The following CEP97 variants were observed in gnomAD, a reference collection of about 807,000 sequenced individuals.
CEP97 encodes centrosomal protein 97.
Under a neutral mutation model 73.1 loss-of-function variants are expected in CEP97, and 43 were observed. The ratio of observed to expected loss-of-function variants is 0.59; its 90% CI spans 0.46 to 0.76. The LOEUF (loss-of-function observed/expected upper bound fraction) is 0.76, where lower values mean the gene tolerates loss of function less well. CEP97 is among the 30% of genes least tolerant of loss of function. CEP97 has a pLI of 0.00. For synonymous variants in CEP97, 337 were observed against 370.0 expected (o/e 0.91, Z 1.02); for missense variants, 939 against 1,014.0 (o/e 0.93, Z 1.00).
At chr3:101,728,454 G>T (rs1239776481) in intron 3 of CEP97, among the ~76,000 whole-genome samples, 1 of 151,994 alleles carries the variant, frequency 6.6e-6, no homozygotes, top group Non-Finnish European at 1.5e-5. Context: ...AGTAGAGACA[G>T]GGTTTCGCCA....
intron 6 of CEP97, among the ~76,000 whole-genome samples, chr3:101,746,097 A>G (rs1185539639): frequency 6.6e-6 from 1 of 152,204 alleles, no homozygotes; most frequent in Non-Finnish European, 1.5e-5. Context: ...ATTATTTTTT[A>G]TGGCTGCATA....
intron 6 of CEP97, among the ~76,000 whole-genome samples, chr3:101,747,708 T>TC (rs1938667785): frequency 2.0e-5 from 3 of 151,688 alleles, no homozygotes; most frequent in Non-Finnish European, 4.4e-5. Flanking sequence ...ATTTTTTTTT[T>TC]TTTTAAAGAG....
At chr3:101,737,182 T>A (rs1307064159) in intron 6 of CEP97, among the ~76,000 whole-genome samples, 3 of 152,106 alleles carry the variant, frequency 2.0e-5, no homozygotes, top group Non-Finnish European at 4.4e-5. Flanking sequence ...CCAAGAAATA[T>A]GGGATTATGT....
chr3:101,764,918 T>C lies in CEP97; in HGVS notation c.1965T>C (p.Pro655=). Residue 655 remains proline, a synonymous_variant, in exon 11 of 11, where the codon CCT becomes CCC. Transcript: ENST00000341893. ...GTTCCTGGCATACTGATGTTCCTCC[T>C]ATATCAAGTACTCTTGTGCCATCGA... The part of the protein sequence containing the change: ...RLSSWHTDVP[P]ISSTLVPSKH... The C allele has an allele frequency of 6.2e-7, 1 of 1,614,206 alleles. No individual in the cohort carries two copies. The highest frequency in any genetic ancestry group is 8.5e-7 in the Non-Finnish European group (1 of 1,180,040).
rs1163449827 is a variant in CEP97, at chr3:101,768,250, C to T, written c.*2699C>T. 6.6e-6 allele frequency: 1 copy of T among 152,208 alleles called. No homozygotes were observed. The highest frequency in any genetic ancestry group is 1.5e-5 in the Non-Finnish European group (1 of 68,030). The allele number at this position is 152,208 out of a possible 1,614,324, so 9.4% of individuals were successfully genotyped here. ...AAGCACAGCATGTTAAATGACTTGT[C>T]TAAGTTATAGCTAGTTAGTAGTAAA... On this transcript the variant is annotated 3_prime_UTR_variant, in exon 11 of 11. Transcript: ENST00000341893.
At position 101,755,424 on chromosome 3, in the gene CEP97, T is replaced by C. The variant is rs751414376; in HGVS notation, c.729-6T>C. 6.2e-7 allele frequency: 1 copy of C among 1,613,516 alleles called. No individual in the cohort carries two copies. The highest frequency in any genetic ancestry group is 1.7e-5 in the Admixed American group (1 of 59,982). ...ATCTCCTCTTTTTTATGTTCCCCAA[T>C]TCCAGTTTGAAAGCTGAATGGCTCT... On this transcript the variant is annotated splice_polypyrimidine_tract_variant and splice_region_variant and intron_variant, in intron 6 of 10. Transcript: ENST00000341893.
At chr3:101,758,988 A>G (rs1300541210) in intron 9 of CEP97, 1 of 153,600 alleles carries the variant, frequency 6.5e-6, no homozygotes, top group African/African-American at 2.4e-5. Flanking sequence ...GATACTGAGA[A>G]GGGACAGCCA....
chr3:101,733,132 A>G (rs1285636660), intron 6 of CEP97, among the ~76,000 whole-genome samples: 1 of 152,098 alleles, frequency 6.6e-6, no homozygotes, highest in African/African-American at 2.4e-5. Flanking sequence ...CTGAAAAAAA[A>G]AGAAGAAATC....
intron 6 of CEP97, among the ~76,000 whole-genome samples, chr3:101,740,636 C>T (rs375389375): frequency 6.6e-6 from 1 of 151,722 alleles, no homozygotes; most frequent in African/African-American, 2.4e-5. Context: ...GTTGCCCAGG[C>T]TGGAGTGCAA....
At chr3:101,753,475 T>A (rs568800860) in intron 6 of CEP97, among the ~76,000 whole-genome samples, 42 of 152,334 alleles carry the variant, frequency 2.8e-4, no homozygotes, top group African/African-American at 9.6e-4. Flanking sequence ...GTTACTGCTG[T>A]CTTTTTGTTT....
intron 6 of CEP97, among the ~76,000 whole-genome samples, chr3:101,737,137 G>T (rs925103954): frequency 6.6e-6 from 1 of 152,002 alleles, no homozygotes; most frequent in African/African-American, 2.4e-5. Flanking sequence ...AGACAAGATT[G>T]GAGAAAAAAG....
chr3:101,763,011 G>C (rs1351820657), intron 10 of CEP97: 21 of 1,164,250 alleles, frequency 1.8e-5, no homozygotes, highest in Admixed American at 3.1e-5. Flanking sequence ...GGACAGTTTA[G>C]GCAGTTGGTT....
intron 6 of CEP97, among the ~76,000 whole-genome samples, chr3:101,744,155 C>A (rs186503902): frequency 6.6e-6 from 1 of 152,184 alleles, no homozygotes; most frequent in East Asian, 1.9e-4. Flanking sequence ...TGTTACCCAG[C>A]AATTTTACTT....
intron 10 of CEP97, among the ~76,000 whole-genome samples, chr3:101,763,436 G>A (rs1424146517): frequency 6.6e-6 from 1 of 151,402 alleles, no homozygotes; most frequent in East Asian, 1.9e-4. Flanking sequence ...TTACAGCCTT[G>A]AACTCCTCAA....
At chr3:101,733,107 A>C (rs544981461) in intron 6 of CEP97, among the ~76,000 whole-genome samples, 1 of 152,246 alleles carries the variant, frequency 6.6e-6, no homozygotes, top group Admixed American at 6.5e-5. Flanking sequence ...TGGGTGACAG[A>C]GTGAGACCCT....
rs937611088 is a variant in CEP97 at position 101,758,167 on chromosome 3, A to G, written c.1561A>G (p.Thr521Ala). 1 of 1,613,540 alleles carries G rather than the reference A, an allele frequency of 6.2e-7. No individual in the cohort carries two copies. Among genetic ancestry groups the G allele is most frequent in the Non-Finnish European group, 8.5e-7 (1 of 1,179,912 alleles). ...KQSDIKKPEN[T>A]QPENKETISQ... ...ATCAGACATAAAGAAACCAGAAAATACACAACCAGAAAATAAAGAAACCAT... is the reference window on the plus strand; with the variant it reads ...ATCAGACATAAAGAAACCAGAAAATGCACAACCAGAAAATAAAGAAACCAT... Residue 521 changes from threonine to alanine, a missense_variant, in exon 9 of 11, where the codon ACA becomes GCA. Coordinates refer to ENST00000341893, the MANE Select transcript of CEP97 (RefSeq NM_024548.4).
In CEP97 at chr3:101,765,701, T is replaced by C. The variant is rs887993806; in HGVS notation, c.*150T>C. The C allele has an allele frequency of 1.0e-4, 64 of 633,510 alleles. No homozygotes were observed. The highest frequency in any genetic ancestry group is 1.6e-4 in the Non-Finnish European group (61 of 375,530). The allele number at this position is 633,510 out of a possible 1,614,324, so 39.2% of individuals were successfully genotyped here. A position where few individuals can be genotyped will look rare whatever the true frequency, so the allele number is the denominator to read the frequency against. On this transcript the variant is annotated 3_prime_UTR_variant, in exon 11 of 11. Transcript: ENST00000341893. ...TTCATGTCTTATATTTTTCAGATTC[T>C]AGATATTGAGCTGAGTTTTCATTTT...
At position 101,756,935 on chromosome 3, in the gene CEP97, G is replaced by A. The variant is rs1487033467; in HGVS notation, c.894-128G>A. Reference sequence around the variant, plus strand: ...CTTTCAAATGAGGATTTATAATTTGGCATTAATTAAAAGTACCTACTTTGA... The same window carrying A: ...CTTTCAAATGAGGATTTATAATTTGACATTAATTAAAAGTACCTACTTTGA... On this transcript the variant is annotated intron_variant, in intron 7 of 10. Coordinates refer to ENST00000341893, the MANE Select transcript of CEP97 (RefSeq NM_024548.4). 12 of 762,124 alleles carry A rather than the reference G, an allele frequency of 1.6e-5. No individual in the cohort carries two copies. The Admixed American group carries it at 3.1e-4, about 20-fold the overall frequency. 47.2% of individuals were successfully genotyped at this position (762,124 alleles called of 1,614,324 possible).
chr3:101,726,619 G>A lies in CEP97; in HGVS notation c.69G>A (p.Gln23=). The A allele has an allele frequency of 1.2e-6, 2 of 1,611,302 alleles. No homozygotes were observed. Among genetic ancestry groups the A allele is most frequent in the Non-Finnish European group, 1.7e-6 (2 of 1,178,710 alleles). ...GATCAGTGGTCAATTGGTCAGGACAGGGACTACAGAAATTAGGTCCAAATT... is the reference window on the plus strand; with the variant it reads ...GATCAGTGGTCAATTGGTCAGGACAAGGACTACAGAAATTAGGTCCAAATT... ...GEGSVVNWSG[Q]GLQKLGPNLP... The change falls in exon 2 of 11, where the codon CAG becomes CAA. Residue 23 remains glutamine, a synonymous_variant. Coordinates refer to ENST00000341893, the MANE Select transcript of CEP97 (RefSeq NM_024548.4).
Sources: gnomAD v4.1 joint callset for allele counts (sites outside exome capture counted in the v4.1 genomes callset) on GRCh38, gnomAD v4.1.1 for gene constraint, MANE v1.5 for transcripts, NCBI Gene and HGNC (gene_info 2026-07-23, HGNC 2026-07-21) for gene names.